PELI2: variants seen among roughly 807,000 people sequenced by gnomAD.
The protein encoded by PELI2 is E3 ubiquitin-protein ligase pellino homolog 2.
PELI2 carries 23 observed loss-of-function variants against 42.3 expected under a neutral mutation model. The observed-to-expected ratio is 0.54, with a 90% CI of 0.39 to 0.77. The LOEUF (loss-of-function observed/expected upper bound fraction) is 0.77, where lower values mean the gene tolerates loss of function less well. PELI2 is among the 30% of genes least tolerant of loss of function. The pLI, the probability that PELI2 is intolerant of heterozygous loss-of-function variation, is 0.00. For synonymous variants in PELI2, 245 were observed against 212.2 expected, an observed-to-expected ratio of 1.15 and a Z score of -1.34; for missense variants, 463 against 553.2, an observed-to-expected ratio of 0.84 and a Z score of 1.64.
chr14:56,261,248 A>C (rs1471351304), intron 2 of PELI2, among the ~76,000 whole-genome samples: 11 of 152,196 alleles, frequency 7.2e-5, no homozygotes, highest in African/African-American at 2.4e-4. Flanking sequence ...GCCACAGATG[A>C]CTCAGATTCA....
chr14:56,264,093 C>T (rs1329143948), intron 2 of PELI2, among the ~76,000 whole-genome samples: 4 of 152,136 alleles, frequency 2.6e-5, no homozygotes, highest in African/African-American at 4.8e-5. Flanking sequence ...GATGTATGCA[C>T]GGTGGCAAGA....
rs1031439707 is a variant in PELI2 at position 56,300,062 on chromosome 14, A to T, written c.*2896A>T. ...CAAAAAGGGCTACAGTTCACCCTGC[A>T]GAGTATTAAGGTTTCTGGATTTTTT... On this transcript the variant is annotated 3_prime_UTR_variant, in exon 6 of 6. Transcript: ENST00000267460. The T allele has an allele frequency of 6.6e-6, 1 of 152,664 alleles. No individual in the cohort carries two copies. The highest frequency in any genetic ancestry group is 1.5e-5 in the Non-Finnish European group (1 of 68,048). 9.5% of individuals were successfully genotyped at this position (152,664 alleles called of 1,614,324 possible).
chr14:56,181,340 CTTTTTTTTTT>C (rs57251739), intron 2 of PELI2, among the ~76,000 whole-genome samples: 2 of 97,122 alleles, frequency 2.1e-5, no homozygotes, highest in East Asian at 6.0e-4. Flanking sequence ...CCCTGGTGGA[CTTTTTTTTTT>C]TTTTTTTTTT....
chr14:56,213,119 A>G (rs572195492), intron 2 of PELI2, among the ~76,000 whole-genome samples: 1 of 152,316 alleles, frequency 6.6e-6, no homozygotes, highest in Admixed American at 6.5e-5. Flanking sequence ...CTAAAACTAG[A>G]AAGTGACTGC....
chr14:56,248,270 A>C (rs1181308462), intron 2 of PELI2, among the ~76,000 whole-genome samples: 1 of 152,246 alleles, frequency 6.6e-6, no homozygotes, highest in Non-Finnish European at 1.5e-5. Flanking sequence ...TTCTTTGAGC[A>C]TAGTAAATAA....
chr14:56,227,739 TCCTTG>T (rs1228131080), intron 2 of PELI2, among the ~76,000 whole-genome samples: 1 of 152,284 alleles, frequency 6.6e-6, no homozygotes, highest in East Asian at 1.9e-4. Flanking sequence ...GAACCAGGGC[TCCTTG>T]GAGAACTGAC....
At chr14:56,205,852 A>C (rs976510771) in intron 2 of PELI2, among the ~76,000 whole-genome samples, 1 of 152,174 alleles carries the variant, frequency 6.6e-6, no homozygotes, top group Non-Finnish European at 1.5e-5. Context: ...AATTGGGAGA[A>C]GGAGGGGAGC....
At chr14:56,200,473 T>C (rs1566633521) in intron 2 of PELI2, among the ~76,000 whole-genome samples, 1 of 152,168 alleles carries the variant, frequency 6.6e-6, no homozygotes, top group African/African-American at 2.4e-5. Context: ...TGCCGGAGCT[T>C]CCTTTCATAA....
At chr14:56,135,036 T>G (rs926432103) in intron 1 of PELI2, among the ~76,000 whole-genome samples, 4 of 152,208 alleles carry the variant, frequency 2.6e-5, no homozygotes, top group Non-Finnish European at 5.9e-5. Flanking sequence ...GTAATATTTT[T>G]AAAAATTACG....
At chr14:56,257,804 A>G (rs1888574421) in intron 2 of PELI2, among the ~76,000 whole-genome samples, 1 of 152,208 alleles carries the variant, frequency 6.6e-6, no homozygotes, top group Non-Finnish European at 1.5e-5. Flanking sequence ...ATAAGGAACC[A>G]AACAGCCCTA....
rs971912729 is a variant in PELI2 at position 56,299,840 on chromosome 14, G to A, written c.*2674G>A. 5 of 152,162 alleles carry A rather than the reference G, an allele frequency of 3.3e-5. No homozygotes were observed. The highest frequency in any genetic ancestry group is 5.9e-5 in the Non-Finnish European group (4 of 68,024). The allele number at this position is 152,162 out of a possible 1,614,324, so 9.4% of individuals were successfully genotyped here. ...GCCTTTTGCAAGTAGCTTTCCAGAA[G>A]TAAAAGTCCCAGTGATGTATTCCCA... On this transcript the variant is annotated 3_prime_UTR_variant, in exon 6 of 6. Transcript: ENST00000267460.
intron 2 of PELI2, among the ~76,000 whole-genome samples, chr14:56,234,076 G>A (rs1204717303): frequency 6.6e-6 from 1 of 152,168 alleles, no homozygotes; most frequent in East Asian, 1.9e-4. Flanking sequence ...AGTTAGAATG[G>A]CGATCATTAA....
chr14:56,155,818 C>T (rs1026560754), intron 1 of PELI2, among the ~76,000 whole-genome samples: 1 of 151,972 alleles, frequency 6.6e-6, no homozygotes, highest in African/African-American at 2.4e-5. Flanking sequence ...CTCTTGACCT[C>T]GTGATCCGCC....
chr14:56,189,200 A>G (rs2139684817), intron 2 of PELI2, among the ~76,000 whole-genome samples: 2 of 152,304 alleles, frequency 1.3e-5, no homozygotes, highest in South Asian at 4.1e-4. Context: ...CAGTCAGTTG[A>G]GACCAGGTTA....
chr14:56,146,869 T>A (rs1397199593), intron 1 of PELI2, among the ~76,000 whole-genome samples: 1 of 152,170 alleles, frequency 6.6e-6, no homozygotes, highest in Non-Finnish European at 1.5e-5. Flanking sequence ...AGTAAATTGA[T>A]ACATTACTTT....
chr14:56,192,631 A>T (rs1277202745), intron 2 of PELI2, among the ~76,000 whole-genome samples: 1 of 152,192 alleles, frequency 6.6e-6, no homozygotes, highest in Non-Finnish European at 1.5e-5. Context: ...ACAGGCTCTG[A>T]AGTCAAATTC....
At chr14:56,152,270 C>A (rs1884389695) in intron 1 of PELI2, among the ~76,000 whole-genome samples, 3 of 152,162 alleles carry the variant, frequency 2.0e-5, no homozygotes, top group Admixed American at 2.0e-4. Context: ...AGCTTTTTAA[C>A]CTCTTTGTAT....
At chr14:56,236,635 C>G (rs1169549480) in intron 2 of PELI2, among the ~76,000 whole-genome samples, 1 of 152,128 alleles carries the variant, frequency 6.6e-6, no homozygotes, top group Non-Finnish European at 1.5e-5. Context: ...TCTTGGAAGC[C>G]TATCTGGGGT....
chr14:56,289,181 A>G (rs1403278973), intron 4 of PELI2, among the ~76,000 whole-genome samples: 1 of 152,048 alleles, frequency 6.6e-6, no homozygotes, highest in African/African-American at 2.4e-5. Flanking sequence ...GCAGGAAAAA[A>G]CCCACTCAAA....
Sources: allele counts gnomAD v4.1 joint callset (sites outside exome capture counted in the v4.1 genomes callset), GRCh38; gene constraint gnomAD v4.1.1; transcripts MANE v1.5; gene names NCBI Gene and HGNC (gene_info 2026-07-23, HGNC 2026-07-21).